Variants in ZNF91 observed in about 807,000 individuals in gnomAD.
The protein encoded by ZNF91 is zinc finger protein 91 (HPF7, HTF10).
Under a neutral mutation model 12.6 loss-of-function variants are expected in ZNF91, and 7 were observed. The ratio of observed to expected loss-of-function variants is 0.55; its 90% CI spans 0.31 to 1.04. The LOEUF (loss-of-function observed/expected upper bound fraction) is 1.04, where lower values mean the gene tolerates loss of function less well. Ranked by LOEUF, ZNF91 falls within the 50% of genes least tolerant of loss-of-function variation. The pLI is 0.05. For missense variants in ZNF91, 1,217 were observed against 1,385.4 expected (o/e 0.88, Z 1.93); for synonymous variants, 453 against 462.6 (o/e 0.98, Z 0.27).
Position 23,373,727 on chromosome 19 carries a change from T to C in ZNF91, c.253+15A>G. On this transcript the variant is annotated intron_variant, in intron 3 of 3. Transcript: ENST00000300619. ...CCTCTCATCCTTGTCGTCTGTTGTA[T>C]TCACTCTCACCTACCTGTGGGTTCA... The C allele has an allele frequency of 6.2e-7, 1 of 1,603,212 alleles. No individual in the cohort carries two copies. The highest frequency in any genetic ancestry group is 8.5e-7 in the Non-Finnish European group (1 of 1,172,848).
chr19:23,337,058 T>A (rs376532167), downstream of ZNF91, among the ~76,000 whole-genome samples: 66 of 152,318 alleles, frequency 4.3e-4, no homozygotes, highest in South Asian at 1.0e-3. Flanking sequence ...AGTGGTGAAG[T>A]CAGGGCTTTT....
intron 1 of ZNF91, among the ~76,000 whole-genome samples, chr19:23,382,049 C>CAAAAAAAAAAAAAAAAAAATAAAA (rs1969736702): frequency 1.3e-5 from 1 of 79,402 alleles, no homozygotes; most frequent in Non-Finnish European, 2.7e-5. Flanking sequence ...AATCCTGAGA[C>CAAAAAAAAAAAAAAAAAAATAAAA]AAAAAAAAAA....
At chr19:23,382,139 G>T (rs1258735780) in intron 1 of ZNF91, among the ~76,000 whole-genome samples, 1 of 150,686 alleles carries the variant, frequency 6.6e-6, no homozygotes, top group African/African-American at 2.4e-5. Flanking sequence ...AAATATATAC[G>T]TAATCTAAAT....
downstream of ZNF91, among the ~76,000 whole-genome samples, chr19:23,353,989 G>T (rs151159642): frequency 5.3e-5 from 8 of 152,162 alleles, no homozygotes; most frequent in East Asian, 1.5e-3. Context: ...GGACCAGATG[G>T]ATTCACAGCA....
chr19:23,356,968 G>A (rs1028333630), downstream of ZNF91, among the ~76,000 whole-genome samples: 5 of 152,046 alleles, frequency 3.3e-5, no homozygotes, highest in African/African-American at 1.2e-4. Context: ...GGCGGCTCAC[G>A]CCTGTAATCC....
chr19:23,342,227 C>T (rs955358762), intron 3 of ZNF91: 9 of 543,452 alleles, frequency 1.7e-5, no homozygotes, highest in Non-Finnish European at 2.7e-5. Context: ...TTTATTTGCT[C>T]AAAGCAGGAT....
chr19:23,337,471 CAAA>C (rs34158184), downstream of ZNF91, among the ~76,000 whole-genome samples: 128 of 122,240 alleles, frequency 1.0e-3, no homozygotes, highest in East Asian at 3.2e-3. Context: ...GTAATAACTT[CAAA>C]AAAAAAAAAA....
chr19:23,350,662 C>A (rs1968339657), intron 3 of ZNF91, among the ~76,000 whole-genome samples: 2 of 152,110 alleles, frequency 1.3e-5, no homozygotes, highest in South Asian at 4.2e-4. Context: ...TAACTTCTCC[C>A]TCCTCAGGCC....
At chr19:23,327,941 G>T (rs1232802792) in intron 1 of ZNF91, 1 of 152,082 alleles carries the variant, frequency 6.6e-6, no homozygotes, top group Non-Finnish European at 1.5e-5. Flanking sequence ...AACGATTTTT[G>T]TGTTCAAAAG....
intron 3 of ZNF91, among the ~76,000 whole-genome samples, chr19:23,368,664 C>A (rs891711874): frequency 6.6e-6 from 1 of 151,580 alleles, no homozygotes; most frequent in Non-Finnish European, 1.5e-5. Flanking sequence ...AATTTAACTA[C>A]ACTACACTTC....
At position 23,324,537 on chromosome 19, in the gene ZNF91, ATATACATATGTATGTATATACGTATG is replaced by A. The variant is rs1220236647; in HGVS notation, n.117-15466_117-15441del. The A allele has an allele frequency of 1.8e-4, 27 of 151,258 alleles. No individual in the cohort carries two copies. In the South Asian group the frequency reaches 5.6e-3, roughly 31 times the overall value. The allele number at this position is 151,258 out of a possible 1,614,324, so 9.4% of individuals were successfully genotyped here. On this transcript the variant is annotated intron_variant and non_coding_transcript_variant, in intron 1 of 1. Coordinates refer to the ZNF91 transcript ENST00000596528. Reference sequence around the variant, plus strand: ...GCCAAGTATATATATATATATACGTATATACATATGTATGTATATACGTATGTATACATATATATATACACATATAT... The same window carrying A: ...GCCAAGTATATATATATATATACGTATATACATATATATATACACATATAT...
upstream of ZNF91, among the ~76,000 whole-genome samples, chr19:23,313,163 A>G (rs1348194272): frequency 2.0e-5 from 3 of 152,236 alleles, no homozygotes; most frequent in African/African-American, 7.2e-5. Context: ...GATTGTAAAT[A>G]TCATTCTATG....
chr19:23,373,928 T>A, intron 2 of ZNF91, 91 bp from the exon 3 acceptor site: 1 of 728,578 alleles, frequency 1.4e-6, no homozygotes, highest in Non-Finnish European at 2.1e-6. Flanking sequence ...TATAATAGAA[T>A]ATTCTAATAA....
At position 23,376,777 on chromosome 19, in the gene ZNF91, G is replaced by A. The variant is rs971126990; in HGVS notation, c.31-2013C>T. On this transcript the variant is annotated intron_variant, in intron 1 of 3. Transcript: ENST00000300619. Reference sequence around the variant, plus strand: ...AAGTAAAAATTTGCAAGTACTAAACGCGTGGCATTCCACGAGGCAGAGTGG... The same window carrying A: ...AAGTAAAAATTTGCAAGTACTAAACACGTGGCATTCCACGAGGCAGAGTGG... Among the ~76,000 whole-genome samples, 11 of 152,180 alleles carry A rather than the reference G, an allele frequency of 7.2e-5. No individual in the cohort carries two copies. In the East Asian group the frequency reaches 1.9e-3, roughly 27 times the overall value.
At chr19:23,320,643 G>T (rs2434383) in intron 1 of ZNF91, among the ~76,000 whole-genome samples, 44,423 of 152,084 alleles carry the variant, frequency 0.29, 6,849 homozygotes, top group East Asian at 0.39. Flanking sequence ...CCAATGACCT[G>T]CCTGCTTTGA....
intron 1 of ZNF91, among the ~76,000 whole-genome samples, chr19:23,382,154 TAAGAA>T (rs1006440367): frequency 4.6e-5 from 7 of 152,078 alleles, no homozygotes; most frequent in African/African-American, 1.7e-4. Flanking sequence ...CTAAATGTTA[TAAGAA>T]AAGAGATTTT....
At chr19:23,338,411 A>G (rs907908717), downstream of ZNF91, 8 of 151,726 alleles carry the variant, frequency 5.3e-5, no homozygotes, top group Admixed American at 2.6e-4. Flanking sequence ...TTTTATATCA[A>G]GCTAGAATAA....
chr19:23,323,133 TTCC>T (rs762852543), intron 1 of ZNF91, among the ~76,000 whole-genome samples: 15 of 142,772 alleles, frequency 1.1e-4, no homozygotes, highest in South Asian at 4.7e-4. Context: ...TTTTCAGTTC[TTCC>T]TCCTTTTCCT....
chr19:23,341,997 A>T (rs1968135259), intron 3 of ZNF91, among the ~76,000 whole-genome samples: 1 of 152,210 alleles, frequency 6.6e-6, no homozygotes. Context: ...TCCTTAAAGA[A>T]TTTAAGGGTA....
Sources: gnomAD v4.1 joint callset for allele counts (sites outside exome capture counted in the v4.1 genomes callset) on GRCh38, gnomAD v4.1.1 for gene constraint, MANE v1.5 for transcripts, NCBI Gene and HGNC (gene_info 2026-07-23, HGNC 2026-07-21) for gene names.